BCL11A: variants seen among roughly 807,000 people sequenced by gnomAD.
BCL11A encodes the protein B cell CLL/lymphoma 11A.
In BCL11A, 2 loss-of-function variants were observed where a neutral mutation model predicts 55.9. The ratio of observed to expected loss-of-function variants is 0.04; its 90% confidence interval spans 0.01 to 0.11. The LOEUF (loss-of-function observed/expected upper bound fraction) is 0.11. Ranked by LOEUF, BCL11A falls within the 10% of genes least tolerant of loss-of-function variation. BCL11A has a pLI of 1.00. For synonymous variants in BCL11A, 465 were observed against 473.4 expected, an observed-to-expected ratio of 0.98 and a Z score of 0.23; for missense variants, 817 against 1,137.1, an observed-to-expected ratio of 0.72 and a Z score of 4.05.
chr2:60,479,996 T>A (rs1454318878), intron 2 of BCL11A, among the ~76,000 whole-genome samples: 1 of 152,232 alleles, frequency 6.6e-6, no homozygotes, highest in Admixed American at 6.5e-5. Flanking sequence ...AAGCTGCTTT[T>A]GTTAAATCAT....
chr2:60,467,831 G>A (rs1262416816), intron 3 of BCL11A, among the ~76,000 whole-genome samples: 1 of 116,378 alleles, frequency 8.6e-6, no homozygotes, highest in Admixed American at 7.7e-5. Flanking sequence ...GATGGTGATG[G>A]TGGTGGTGGT....
chr2:60,512,103 A>G (rs1362901663), intron 2 of BCL11A, among the ~76,000 whole-genome samples: 2 of 152,230 alleles, frequency 1.3e-5, no homozygotes, highest in African/African-American at 4.8e-5. Context: ...CTTAATTCAA[A>G]CAACTTGGAA....
chr2:60,468,186 A>G (rs905924848), intron 3 of BCL11A, among the ~76,000 whole-genome samples: 1 of 151,800 alleles, frequency 6.6e-6, no homozygotes, highest in African/African-American at 2.4e-5. Context: ...TTTAACTACA[A>G]TGATGTGCAT....
downstream of BCL11A, among the ~76,000 whole-genome samples, chr2:60,455,811 G>A (rs916880773): frequency 3.3e-5 from 5 of 152,152 alleles, no homozygotes; most frequent in Admixed American, 6.5e-5. Context: ...GGGTGGAGTC[G>A]AAGTCACCAC....
chr2:60,456,740 C>G (rs923939856), downstream of BCL11A, among the ~76,000 whole-genome samples: 1 of 151,916 alleles, frequency 6.6e-6, no homozygotes, highest in Non-Finnish European at 1.5e-5. Flanking sequence ...TACATGGAAA[C>G]CAAAGAGCTG....
downstream of BCL11A, among the ~76,000 whole-genome samples, chr2:60,456,633 TAAACAAAACA>T (rs553242315): frequency 1.3e-3 from 191 of 152,270 alleles, no homozygotes; most frequent in African/African-American, 3.2e-3. Context: ...CCCTCTTTTT[TAAACAAAACA>T]AAACAAAACA....
Position 60,461,096 on chromosome 2 carries a change from C to T in BCL11A, c.1816G>A (p.Gly606Ser), listed in dbSNP as rs762418191. Residue 606 changes from glycine (G) to serine (S), a missense_variant, in exon 4 of 4, where the codon GGC becomes AGC. This residue lies in a region of BCL11A where 379 missense variants were observed against 425.3 expected (regional missense o/e 0.89). Transcript: ENST00000642384. ...GAGGCCGACTCGCCCGGGGAGCAGC[C>T]GCGGCCATTAACAGTGCCATCGTCT... is the stretch of plus-strand genomic sequence containing the variant. ...RIDDGTVNGR[G>S]CSPGESASGG... 6.2e-6 allele frequency: 10 copies of T among 1,602,810 alleles called. No homozygotes were observed. In the East Asian group the frequency reaches 8.9e-5, roughly 14 times the overall value.
At chr2:60,497,226 A>G (rs1679001088) in intron 2 of BCL11A, among the ~76,000 whole-genome samples, 1 of 152,242 alleles carries the variant, frequency 6.6e-6, no homozygotes, top group African/African-American at 2.4e-5. Flanking sequence ...TAAACACTTA[A>G]TGAGCTAGAG....
intron 2 of BCL11A, among the ~76,000 whole-genome samples, chr2:60,498,139 G>C (rs1345203541): frequency 1.3e-5 from 2 of 151,736 alleles, no homozygotes; most frequent in Non-Finnish European, 2.9e-5. Context: ...GGTGTGGAGG[G>C]GATAACTGGG....
rs1474812152 is a variant in BCL11A, at chr2:60,460,968, C to G, written c.1944G>C (p.Ala648=). 18 of 1,610,862 alleles carry G rather than the reference C, an allele frequency of 1.1e-5. No individual in the cohort carries two copies. Among genetic ancestry groups the G allele is most frequent in the Non-Finnish European group, 1.5e-5 (18 of 1,178,486 alleles). The change falls in exon 4 of 4, where the codon GCG becomes GCC. Residue 648 remains alanine (A), a synonymous_variant. Coordinates refer to ENST00000642384, the MANE Select transcript of BCL11A (RefSeq NM_022893.4). The part of the protein sequence containing the change: ...LEKEFDLPPA[A]MPNTENVYSQ... ...AGTACACGTTCTCCGTGTTGGGCAT[C>G]GCGGCCGGGGGCAGGTCGAACTCCT...
intron 3 of BCL11A, among the ~76,000 whole-genome samples, chr2:60,464,392 G>T (rs947195507): frequency 1.3e-5 from 2 of 151,944 alleles, no homozygotes; most frequent in Non-Finnish European, 2.9e-5. Context: ...CAATAACTTG[G>T]GTCCCAAATA....
chr2:60,460,651 C>T lies in BCL11A; in HGVS notation c.2261G>A (p.Cys754Tyr). ...TCTCCTGTGGACAGTGAGATTGCTA[C>T]AGTTCTTGAAGACTTTCCCACAGTA... The part of the protein sequence containing the change: ...CEYCGKVFKN[C>Y]SNLTVHRRSH... Residue 754 changes from cysteine to tyrosine, a missense_variant, in exon 4 of 4, where the codon TGT becomes TAT. Physicochemically the swap from Cys to Tyr is radical, Grantham distance 194. Coordinates refer to ENST00000642384, the MANE Select transcript of BCL11A (RefSeq NM_022893.4). 1 of 1,614,126 alleles carries T rather than the reference C, an allele frequency of 6.2e-7. No individual in the cohort carries two copies.
At chr2:60,472,390 A>T (rs541640139) in intron 2 of BCL11A, among the ~76,000 whole-genome samples, 1 of 152,234 alleles carries the variant, frequency 6.6e-6, no homozygotes, top group Admixed American at 6.5e-5. Flanking sequence ...ATCTTTTTTC[A>T]AATGTCTTAC....
intron 2 of BCL11A, among the ~76,000 whole-genome samples, chr2:60,470,314 T>C (rs763789147): frequency 4.6e-5 from 7 of 152,208 alleles, no homozygotes; most frequent in Non-Finnish European, 7.3e-5. Flanking sequence ...CAAGTATGTC[T>C]ACATTTGACT....
intron 2 of BCL11A, among the ~76,000 whole-genome samples, chr2:60,520,241 T>C (rs954808005): frequency 6.6e-6 from 1 of 152,192 alleles, no homozygotes; most frequent in South Asian, 2.1e-4. Context: ...CCCAGGCAAA[T>C]GGGTTCCTCT....
Position 60,458,600 on chromosome 2 carries a change from A to C in BCL11A, c.*1804T>G, listed in dbSNP as rs1209412158. The C allele has an allele frequency of 9.7e-7, 1 of 1,033,200 alleles. No homozygotes were observed. Among genetic ancestry groups the C allele is most frequent in the Non-Finnish European group, 1.2e-6 (1 of 858,078 alleles). The allele number at this position is 1,033,200 out of a possible 1,614,324, so 64.0% of individuals were successfully genotyped here. On this transcript the variant is annotated 3_prime_UTR_variant, in exon 4 of 4. Transcript: ENST00000642384. Reference sequence around the variant, plus strand: ...CAATAGTCAAGTAAATGGCTGGCAAAGTTTTTTTTTTTTTAGTTTTTAAAA... The same window carrying C: ...CAATAGTCAAGTAAATGGCTGGCAACGTTTTTTTTTTTTTAGTTTTTAAAA...
At chr2:60,478,968 GT>G (rs67125871) in intron 2 of BCL11A, among the ~76,000 whole-genome samples, 25,992 of 146,084 alleles carry the variant, frequency 0.18, 2,799 homozygotes, top group Non-Finnish European at 0.25. Context: ...TTTGTTTTTT[GT>G]TTTTTTTTTT....
chr2:60,530,391 G>A (rs577459635), intron 2 of BCL11A, among the ~76,000 whole-genome samples: 11 of 148,052 alleles, frequency 7.4e-5, no homozygotes, highest in East Asian at 4.0e-4. Flanking sequence ...CAGGCACGCC[G>A]GCCACGCCCC....
rs894486237 is a variant in BCL11A, at chr2:60,501,007, G to A, written c.386-32174C>T. ...GTCGCTGCATCCTCCTCTGTAAAAT[G>A]GGAGAACCCTGAACTGCTCAGCCGA... On this transcript the variant is annotated intron_variant, in intron 2 of 3. Transcript: ENST00000642384. 3.9e-5 allele frequency among the ~76,000 whole-genome samples: 6 copies of A among 152,166 alleles called. No individual in the cohort carries two copies. The East Asian group carries it at 1.2e-3, about 29-fold the overall frequency.
Sources: allele counts gnomAD v4.1 joint callset (sites outside exome capture counted in the v4.1 genomes callset), GRCh38; gene constraint gnomAD v4.1.1; regional missense constraint gnomAD v4.1.1; transcripts MANE v1.5; gene names NCBI Gene and HGNC (gene_info 2026-07-23, HGNC 2026-07-21).